The following OPCML variants were observed in gnomAD, a reference collection of about 807,000 sequenced individuals.
The protein encoded by OPCML is opioid binding protein/cell adhesion molecule like.
OPCML carries 13 observed loss-of-function variants against 37.8 expected under a neutral mutation model. That is an observed-to-expected ratio of 0.34 (90% CI 0.22 to 0.55). The LOEUF (loss-of-function observed/expected upper bound fraction) is 0.55, where lower values mean the gene tolerates loss of function less well. Among genes scored for constraint, OPCML ranks in the 20% least tolerant of loss-of-function variants. OPCML has a pLI of 0.91. For missense variants in OPCML, 341 were observed against 435.6 expected (o/e 0.78, Z 1.93); for synonymous variants, 176 against 168.8 (o/e 1.04, Z -0.33).
chr11:133,054,314 T>C (rs1315436264), intron 1 of OPCML, among the ~76,000 whole-genome samples: 1 of 152,202 alleles, frequency 6.6e-6, no homozygotes, highest in Admixed American at 6.5e-5. Context: ...AAAAGTCAGA[T>C]GGCATTTATG....
At chr11:133,025,145 G>T in intron 1 of OPCML, 1 of 552,394 alleles carries the variant, frequency 1.8e-6, no homozygotes, top group Non-Finnish European at 2.3e-6. Context: ...TAATTAGAAT[G>T]TTAGACTGCA....
At chr11:133,228,221 T>A (rs1940123585) in intron 1 of OPCML, among the ~76,000 whole-genome samples, 1 of 152,200 alleles carries the variant, frequency 6.6e-6, no homozygotes, top group South Asian at 2.1e-4. Flanking sequence ...CACTGCATTT[T>A]ACAAGACATG....
chr11:132,512,878 G>A (rs757041690), intron 4 of OPCML, among the ~76,000 whole-genome samples: 5 of 151,828 alleles, frequency 3.3e-5, no homozygotes, highest in African/African-American at 1.2e-4. Flanking sequence ...AGCTTTTGAG[G>A]TAATGGTAAT....
intron 2 of OPCML, among the ~76,000 whole-genome samples, chr11:132,765,442 G>A (rs1388773601): frequency 6.6e-6 from 1 of 152,218 alleles, no homozygotes; most frequent in East Asian, 1.9e-4. Context: ...CACGAGGCAT[G>A]AGAATCTATG....
intron 1 of OPCML, among the ~76,000 whole-genome samples, chr11:133,502,333 G>C (rs1257830142): frequency 1.3e-5 from 2 of 152,244 alleles, no homozygotes; most frequent in Non-Finnish European, 2.9e-5. Context: ...CAGAGGCAGG[G>C]TGGCAGGGTG....
At chr11:132,599,999 G>A (rs1327640377) in intron 3 of OPCML, among the ~76,000 whole-genome samples, 1 of 152,150 alleles carries the variant, frequency 6.6e-6, no homozygotes, top group Non-Finnish European at 1.5e-5. Flanking sequence ...AGAATACAGT[G>A]CAATCAATAA....
At chr11:132,511,452 T>C (rs1421913942) in intron 4 of OPCML, among the ~76,000 whole-genome samples, 1 of 152,052 alleles carries the variant, frequency 6.6e-6, no homozygotes, top group Admixed American at 6.6e-5. Context: ...ACAAAGGACA[T>C]AGATTGGCCA....
intron 4 of OPCML, among the ~76,000 whole-genome samples, chr11:132,442,738 A>G (rs528013599): frequency 2.0e-5 from 3 of 152,206 alleles, no homozygotes; most frequent in Non-Finnish European, 4.4e-5. Context: ...ATGAGATCTG[A>G]TGGGTTTATA....
intron 1 of OPCML, among the ~76,000 whole-genome samples, chr11:133,379,274 T>C (rs772330936): frequency 6.6e-6 from 1 of 152,236 alleles, no homozygotes; most frequent in Non-Finnish European, 1.5e-5. Context: ...CTTCTCCCTG[T>C]GTTATCCCTT....
intron 3 of OPCML, among the ~76,000 whole-genome samples, chr11:132,541,765 C>A (rs1168761426): frequency 6.6e-6 from 1 of 152,144 alleles, no homozygotes; most frequent in Non-Finnish European, 1.5e-5. Context: ...CTGCAGAACC[C>A]AAGGTTTCAG....
chr11:132,495,752 G>A (rs888886981), intron 4 of OPCML, among the ~76,000 whole-genome samples: 1 of 152,030 alleles, frequency 6.6e-6, no homozygotes, highest in African/African-American at 2.4e-5. Flanking sequence ...AAAATTAGCT[G>A]GGTGTAGTGG....
intron 1 of OPCML, among the ~76,000 whole-genome samples, chr11:133,110,728 C>A (rs1453550117): frequency 6.6e-6 from 1 of 152,112 alleles, no homozygotes; most frequent in Non-Finnish European, 1.5e-5. Flanking sequence ...CTATGGGATT[C>A]TTTTTCCTAC....
At chr11:133,352,243 A>G (rs901210280) in intron 1 of OPCML, among the ~76,000 whole-genome samples, 1 of 152,204 alleles carries the variant, frequency 6.6e-6, no homozygotes, top group Non-Finnish European at 1.5e-5. Context: ...ATACCAATTT[A>G]GGTACCCCGT....
At position 133,206,674 on chromosome 11, in the gene OPCML, T is replaced by G. The variant is rs1939074938; in HGVS notation, c.62-263664A>C. Reference sequence around the variant, plus strand: ...GGGCCGAGCAAAGGCTGTGCTCTCCTGCTCGATGAAGCTTCTATCTGTGTA... The same window carrying G: ...GGGCCGAGCAAAGGCTGTGCTCTCCGGCTCGATGAAGCTTCTATCTGTGTA... On this transcript the variant is annotated intron_variant, in intron 1 of 7. Coordinates refer to ENST00000524381, the MANE Select transcript of OPCML (RefSeq NM_001012393.5). The surrounding 1 kb of genome is among the most constrained non-coding windows in gnomAD (Gnocchi z 4.7). 6.6e-6 allele frequency among the ~76,000 whole-genome samples: 1 copy of G among 152,202 alleles called. No homozygotes were observed. Among genetic ancestry groups the G allele is most frequent in the Non-Finnish European group, 1.5e-5 (1 of 68,044 alleles).
At chr11:132,471,703 G>T (rs190229844) in intron 4 of OPCML, among the ~76,000 whole-genome samples, 25 of 152,328 alleles carry the variant, frequency 1.6e-4, no homozygotes, top group African/African-American at 5.5e-4. Flanking sequence ...TGCATTCCAG[G>T]AGTTGAGAAT....
intron 1 of OPCML, among the ~76,000 whole-genome samples, chr11:133,053,702 T>C (rs908085648): frequency 2.6e-5 from 4 of 152,150 alleles, no homozygotes; most frequent in Admixed American, 2.0e-4. Context: ...ACCTCCATCG[T>C]CTGTCTCAGT....
At position 133,447,798 on chromosome 11, in the gene OPCML, T is replaced by C. The variant is rs542698118; in HGVS notation, c.61+84466A>G. Among the ~76,000 whole-genome samples, 18 of 152,356 alleles carry C rather than the reference T, an allele frequency of 1.2e-4. No homozygotes were observed. The East Asian group carries it at 2.7e-3, about 23-fold the overall frequency. On this transcript the variant is annotated intron_variant, in intron 1 of 7. Coordinates refer to ENST00000524381, the MANE Select transcript of OPCML (RefSeq NM_001012393.5). ...GAGGGGCTCTTAGGTTGACTTCATGTCTTTGCTATTGTGAACAGTACAGTG... is the reference window on the plus strand; with the variant it reads ...GAGGGGCTCTTAGGTTGACTTCATGCCTTTGCTATTGTGAACAGTACAGTG...
In OPCML at chr11:133,133,985, C is replaced by A. The variant is rs565662073; in HGVS notation, c.62-190975G>T. On this transcript the variant is annotated intron_variant, in intron 1 of 7. Coordinates refer to ENST00000524381, the MANE Select transcript of OPCML (RefSeq NM_001012393.5). ...GCACCTTACTAACCATTAATGAATA[C>A]GCATACACAGAATATGAGATCGCTC... Among the ~76,000 whole-genome samples, 26 of 152,214 alleles carry A rather than the reference C, an allele frequency of 1.7e-4. No individual in the cohort carries two copies. In the South Asian group the frequency reaches 5.2e-3, roughly 30 times the overall value.
At position 133,375,485 on chromosome 11, in the gene OPCML, G is replaced by A. The variant is rs535820550; in HGVS notation, c.61+156779C>T. On this transcript the variant is annotated intron_variant, in intron 1 of 7. Coordinates refer to ENST00000524381, the MANE Select transcript of OPCML (RefSeq NM_001012393.5). ...CAGCTTCCAAGAAGAAAATAATTCTGGGGCTACTTCTAGTAATGACTTGAG... is the reference window on the plus strand; with the variant it reads ...CAGCTTCCAAGAAGAAAATAATTCTAGGGCTACTTCTAGTAATGACTTGAG... 1.1e-4 allele frequency among the ~76,000 whole-genome samples: 17 copies of A among 152,280 alleles called. No homozygotes were observed. The East Asian group carries it at 2.9e-3, about 26-fold the overall frequency.
Sources: allele counts gnomAD v4.1 joint callset (sites outside exome capture counted in the v4.1 genomes callset), GRCh38; gene constraint gnomAD v4.1.1; non-coding constraint Gnocchi (gnomAD v3.1); transcripts MANE v1.5; gene names NCBI Gene and HGNC (gene_info 2026-07-23, HGNC 2026-07-21).